Variants in NLK observed in about 807,000 individuals in gnomAD.
NLK encodes serine/threonine-protein kinase NLK.
Under a neutral mutation model 59.0 loss-of-function variants are expected in NLK, and 11 were observed. The observed-to-expected ratio is 0.19, with a 90% confidence interval of 0.12 to 0.31. The LOEUF (loss-of-function observed/expected upper bound fraction) is 0.31, where lower values mean the gene tolerates loss of function less well. NLK is among the 10% of genes least tolerant of loss of function. NLK has a pLI of 1.00. For synonymous variants in NLK, 235 were observed against 235.9 expected, an observed-to-expected ratio of 1.00 and a Z score of 0.03; for missense variants, 410 against 661.1, an observed-to-expected ratio of 0.62 and a Z score of 4.16.
chr17:28,170,340 G>GTTT (rs1284971086), intron 6 of NLK, among the ~76,000 whole-genome samples: 1 of 151,736 alleles, frequency 6.6e-6, no homozygotes, highest in African/African-American at 2.4e-5. Flanking sequence ...AGATCACACT[G>GTTT]ACTACTGTGT....
Position 28,042,695 on chromosome 17 carries a change from C to G in NLK, c.-179C>G, listed in dbSNP as rs1228310227. 1 of 523,060 alleles carries G rather than the reference C, an allele frequency of 1.9e-6. No homozygotes were observed. The highest frequency in any genetic ancestry group is 3.2e-6 in the Non-Finnish European group (1 of 308,274). The allele number at this position is 523,060 out of a possible 1,614,324, so 32.4% of individuals were successfully genotyped here. On this transcript the variant is annotated 5_prime_UTR_variant, in exon 1 of 11. Coordinates refer to ENST00000407008, the MANE Select transcript of NLK (RefSeq NM_016231.5). ...TTTTTTCCTTTTGGCAACCCACACC[C>G]TTCCACACACGCTCACCCCAAAATT...
chr17:28,081,442 A>G (rs961074640), intron 1 of NLK, among the ~76,000 whole-genome samples: 1 of 152,092 alleles, frequency 6.6e-6, no homozygotes, highest in Non-Finnish European at 1.5e-5. Flanking sequence ...TAATGGTTGT[A>G]TGTTTTTGGT....
At chr17:28,126,675 G>C (rs952799209) in intron 2 of NLK, among the ~76,000 whole-genome samples, 8 of 152,242 alleles carry the variant, frequency 5.3e-5, no homozygotes, top group African/African-American at 1.4e-4. Context: ...CAGGTGACCT[G>C]ACTGAATTTT....
At chr17:28,199,837 T>C (rs2142080022), downstream of NLK, among the ~76,000 whole-genome samples, 2 of 152,206 alleles carry the variant, frequency 1.3e-5, no homozygotes, top group Middle Eastern at 6.8e-3. Context: ...GAGCCTATGG[T>C]TCATGGGGAT....
At chr17:28,051,655 CT>C (rs749091116) in intron 1 of NLK, among the ~76,000 whole-genome samples, 630 of 137,656 alleles carry the variant, frequency 4.6e-3, no homozygotes, top group Middle Eastern at 7.5e-3. Context: ...CTGCGCCCGG[CT>C]TTTTTTTTTT....
chr17:28,119,589 G>A (rs747888994), intron 1 of NLK, among the ~76,000 whole-genome samples: 5 of 152,022 alleles, frequency 3.3e-5, no homozygotes, highest in Non-Finnish European at 5.9e-5. Flanking sequence ...TATTGTGCCC[G>A]GCTAACTGTT....
intron 7 of NLK, among the ~76,000 whole-genome samples, chr17:28,179,542 C>T (rs944691394): frequency 1.3e-5 from 2 of 152,260 alleles, no homozygotes; most frequent in South Asian, 2.1e-4. Flanking sequence ...ACCAGCCTGG[C>T]CAACATGGTG....
chr17:28,070,625 A>G (rs1418925134), intron 1 of NLK, among the ~76,000 whole-genome samples: 3 of 152,048 alleles, frequency 2.0e-5, no homozygotes, highest in African/African-American at 7.2e-5. Flanking sequence ...TGCTGGGATT[A>G]CAGGCATGAG....
At chr17:28,194,555 A>G (rs1909417871) in intron 10 of NLK, 27 bp from the exon 11 acceptor site, 1 of 1,555,312 alleles carries the variant, frequency 6.4e-7, no homozygotes, top group Non-Finnish European at 8.8e-7. Flanking sequence ...CATTACAACT[A>G]ATTTCTCCAT....
chr17:28,143,187 G>A lies in NLK; in HGVS notation c.644+10512G>A, dbSNP rs143487814. On this transcript the variant is annotated intron_variant, in intron 3 of 10. Transcript: ENST00000407008. ...ACCTCCTGAGTAACTGGGACTACAG[G>A]CACATGCCAGCACACCAGGCTAATT... 2.3e-3 allele frequency among the ~76,000 whole-genome samples: 352 copies of A among 151,998 alleles called. 5 individuals carry two copies. Among genetic ancestry groups the A allele is most frequent in the African/African-American group, 7.8e-3 (325 of 41,438 alleles).
In NLK at chr17:28,144,396, CAAAAAAAA is replaced by C. The variant is rs984366292; in HGVS notation, c.644+11733_644+11740del. ...GAAACACCTGTGTTCCAGGTGAAGC[CAAAAAAAA>C]AAAAAAAAAAACTAAAGCTTGAATC... On this transcript the variant is annotated intron_variant, in intron 3 of 10. Coordinates refer to ENST00000407008, the MANE Select transcript of NLK (RefSeq NM_016231.5). 3.7e-5 allele frequency among the ~76,000 whole-genome samples: 3 copies of C among 81,574 alleles called. No homozygotes were observed. The South Asian group carries it at 1.2e-3, about 33-fold the overall frequency. 53.5% of individuals were successfully genotyped at this position (81,574 alleles called of 152,430 possible). A position where few individuals can be genotyped will look rare whatever the true frequency, so the allele number is the denominator to read the frequency against.
At chr17:28,152,468 A>G (rs1238735878) in intron 3 of NLK, among the ~76,000 whole-genome samples, 3 of 152,228 alleles carry the variant, frequency 2.0e-5, no homozygotes, top group Non-Finnish European at 2.9e-5. Context: ...GGATTCTGGC[A>G]TCACAACTTG....
At chr17:28,150,410 A>G (rs1907432074) in intron 3 of NLK, among the ~76,000 whole-genome samples, 1 of 152,170 alleles carries the variant, frequency 6.6e-6, no homozygotes, top group South Asian at 2.1e-4. Context: ...AGAGAGCACT[A>G]GACTAGGAGT....
At chr17:28,056,184 T>C (rs1172752635) in intron 1 of NLK, among the ~76,000 whole-genome samples, 1 of 152,250 alleles carries the variant, frequency 6.6e-6, no homozygotes, top group Non-Finnish European at 1.5e-5. Context: ...TACAATTTTG[T>C]ATCCTGTTTG....
intron 1 of NLK, among the ~76,000 whole-genome samples, chr17:28,084,128 C>T (rs1201281257): frequency 6.6e-6 from 1 of 152,166 alleles, no homozygotes; most frequent in Non-Finnish European, 1.5e-5. Flanking sequence ...ACCTAGCTTG[C>T]CTCCTAAATT....
chr17:28,172,680 T>C (rs1908512967), intron 7 of NLK, 62 bp downstream of exon 7: 5 of 895,670 alleles, frequency 5.6e-6, no homozygotes, highest in Non-Finnish European at 6.4e-6. Context: ...TCCCTTCCAA[T>C]AGAGTAATCT....
chr17:28,165,021 C>T (rs996129571), intron 5 of NLK, among the ~76,000 whole-genome samples: 1 of 152,052 alleles, frequency 6.6e-6, no homozygotes, highest in Non-Finnish European at 1.5e-5. Context: ...CTAAAAATAG[C>T]TGATGTTGTA....
At chr17:28,102,503 G>C (rs1904937198) in intron 1 of NLK, among the ~76,000 whole-genome samples, 4 of 152,058 alleles carry the variant, frequency 2.6e-5, no homozygotes, top group Admixed American at 2.6e-4. Context: ...ACAAAAATTA[G>C]CTGGACATGG....
chr17:28,099,338 G>GT (rs1567713554), intron 1 of NLK, among the ~76,000 whole-genome samples: 2 of 151,932 alleles, frequency 1.3e-5, no homozygotes, highest in Middle Eastern at 6.8e-3. Context: ...TTTTATTTTG[G>GT]TAATTATATA....
Sources: allele counts gnomAD v4.1 joint callset (sites outside exome capture counted in the v4.1 genomes callset), GRCh38; gene constraint gnomAD v4.1.1; transcripts MANE v1.5; gene names NCBI Gene and HGNC (gene_info 2026-07-23, HGNC 2026-07-21).